Variants in NAV3 observed in about 807,000 individuals in gnomAD.
NAV3 encodes the protein pore membrane and/or filament interacting like protein 1.
Under a neutral mutation model 244.7 loss-of-function variants are expected in NAV3, and 87 were observed. The ratio of observed to expected loss-of-function variants is 0.36; its 90% CI spans 0.30 to 0.42. NAV3 has a LOEUF of 0.42. NAV3 is among the 20% of genes least tolerant of loss of function. The pLI is 1.00. For synonymous variants in NAV3, 1,126 were observed against 1,042.2 expected, an observed-to-expected ratio of 1.08 and a Z score of -1.55; for missense variants, 2,663 against 2,893.3, an observed-to-expected ratio of 0.92 and a Z score of 1.83.
At chr12:77,575,763 T>C (rs1481137987) in intron 2 of NAV3, among the ~76,000 whole-genome samples, 1 of 152,150 alleles carries the variant, frequency 6.6e-6, no homozygotes, top group African/African-American at 2.4e-5. Flanking sequence ...GAACACTGTT[T>C]TATTGCTCCA....
chr12:77,868,904 T>C (rs1854423336), intron 1 of NAV3, among the ~76,000 whole-genome samples: 1 of 151,908 alleles, frequency 6.6e-6, no homozygotes, highest in Non-Finnish European at 1.5e-5. Context: ...ACCCCGTCTC[T>C]ACTAAAAATA....
rs1487706578 is a variant in NAV3 at position 77,759,863 on chromosome 12, C to G, written c.73-180456C>G. Among the ~76,000 whole-genome samples, 3 of 152,030 alleles carry G rather than the reference C, an allele frequency of 2.0e-5. No individual in the cohort carries two copies. In the East Asian group the frequency reaches 5.8e-4, roughly 29 times the overall value. On this transcript the variant is annotated intron_variant, in intron 2 of 8. Transcript: ENST00000550042. ...TTGACCTGCCCCTTATTGCTGTTTT[C>G]TGGATTCTGAAGATCTGTATCATAA...
intron 12 of NAV3, among the ~76,000 whole-genome samples, chr12:78,078,948 T>C (rs1007328776): frequency 6.6e-6 from 1 of 152,236 alleles, no homozygotes; most frequent in African/African-American, 2.4e-5. Flanking sequence ...TTGATCATAT[T>C]TCTAACAAAT....
chr12:78,151,907 T>C (rs1347751833), intron 22 of NAV3, among the ~76,000 whole-genome samples: 1 of 151,324 alleles, frequency 6.6e-6, no homozygotes, highest in African/African-American at 2.4e-5. Flanking sequence ...AATAATATTT[T>C]AAGTATCAGA....
intron 2 of NAV3, among the ~76,000 whole-genome samples, chr12:77,660,058 A>T (rs1039504271): frequency 1.3e-5 from 2 of 152,120 alleles, no homozygotes; most frequent in Non-Finnish European, 2.9e-5. Flanking sequence ...ATGTATACAT[A>T]TGTAACTAAC....
chr12:77,634,945 G>A (rs1375269035), intron 2 of NAV3, among the ~76,000 whole-genome samples: 1 of 152,062 alleles, frequency 6.6e-6, no homozygotes, highest in African/African-American at 2.4e-5. Context: ...ATAGGGTCTT[G>A]TGGCTGGGCC....
At chr12:77,884,650 T>A (rs564321403) in intron 1 of NAV3, among the ~76,000 whole-genome samples, 1 of 152,258 alleles carries the variant, frequency 6.6e-6, no homozygotes, top group Admixed American at 6.5e-5. Flanking sequence ...GCTGTTGGGA[T>A]GATGTCCACT....
chr12:77,973,701 T>C (rs1893202922), intron 5 of NAV3, among the ~76,000 whole-genome samples: 1 of 152,082 alleles, frequency 6.6e-6, no homozygotes, highest in South Asian at 2.1e-4. Flanking sequence ...ACTGGGACAG[T>C]TTACAGCTTT....
intron 1 of NAV3, among the ~76,000 whole-genome samples, chr12:77,888,599 C>T (rs895507262): frequency 4.1e-4 from 62 of 152,186 alleles, no homozygotes; most frequent in African/African-American, 1.4e-3. Flanking sequence ...AAGTTAATAG[C>T]CTCATTAAGT....
At chr12:77,931,008 C>A (rs1292588507) in intron 1 of NAV3, among the ~76,000 whole-genome samples, 2 of 151,898 alleles carry the variant, frequency 1.3e-5, no homozygotes, top group Admixed American at 1.3e-4. Context: ...TCTTTTTATC[C>A]CTGATATTGT....
At chr12:77,763,753 G>T (rs1869606953) in intron 2 of NAV3, among the ~76,000 whole-genome samples, 1 of 152,200 alleles carries the variant, frequency 6.6e-6, no homozygotes, top group Admixed American at 6.5e-5. Context: ...TGAGATAAGT[G>T]TGTCATTAAG....
At chr12:77,755,511 GCCTTTCCTTTCCTTTCCTTT>G (rs747905151) in intron 2 of NAV3, among the ~76,000 whole-genome samples, 1 of 17,678 alleles carries the variant, frequency 5.7e-5, no homozygotes, top group African/African-American at 3.6e-4. Flanking sequence ...CCCTCCCTGT[GCCTTTCCTTTCCTTTCCTTT>G]CCTTTCCTTT....
At position 77,863,278 on chromosome 12, in the gene NAV3, A is replaced by G. The variant is rs192652011; in HGVS notation, c.243+31574A>G. Among the ~76,000 whole-genome samples, 468 of 151,972 alleles carry G rather than the reference A, an allele frequency of 3.1e-3. 3 individuals carry two copies. Among genetic ancestry groups the G allele is most frequent in the African/African-American group, 0.011 (438 of 41,514 alleles). ...AAAAGGTTAATTTTTAACTTATCTC[A>G]AGATTGTTACAATAAACCGTCTATA... On this transcript the variant is annotated intron_variant, in intron 1 of 39. Transcript: ENST00000397909.
At chr12:77,932,894 A>G (rs375101227) in intron 1 of NAV3, among the ~76,000 whole-genome samples, 3 of 152,126 alleles carry the variant, frequency 2.0e-5, no homozygotes, top group African/African-American at 7.2e-5. Flanking sequence ...CTCTGAAATC[A>G]TGAGGCTATT....
chr12:77,942,373 G>GA (rs1462678166), intron 3 of NAV3, among the ~76,000 whole-genome samples: 4 of 149,938 alleles, frequency 2.7e-5, no homozygotes, highest in Non-Finnish European at 5.9e-5. Context: ...ACTCTGTCTC[G>GA]AAAAAATAAA....
intron 1 of NAV3, among the ~76,000 whole-genome samples, chr12:77,849,062 A>C (rs541709969): frequency 3.3e-5 from 5 of 152,138 alleles, no homozygotes; most frequent in African/African-American, 1.2e-4. Flanking sequence ...TTGGCAAACT[A>C]ATCTTCCTGA....
At chr12:78,189,679 G>A (rs300511) in intron 33 of NAV3, among the ~76,000 whole-genome samples, 20,537 of 151,542 alleles carry the variant, frequency 0.14, 1,824 homozygotes, top group Non-Finnish European at 0.2. Context: ...AAGATGTTAT[G>A]ATAGCATTTA....
chr12:77,574,353 C>G (rs1400290083), intron 2 of NAV3, among the ~76,000 whole-genome samples: 1 of 152,158 alleles, frequency 6.6e-6, no homozygotes, highest in Non-Finnish European at 1.5e-5. Context: ...AGCAGGAACA[C>G]CTAGTCTCAA....
At chr12:78,122,534 C>G in intron 16 of NAV3, 106 bp downstream of exon 16, 1 of 1,354,930 alleles carries the variant, frequency 7.4e-7, no homozygotes, top group East Asian at 2.4e-5. Context: ...TGCCCCGGTG[C>G]AAAAAGATGT....
Sources: allele counts gnomAD v4.1 joint callset (sites outside exome capture counted in the v4.1 genomes callset), GRCh38; gene constraint gnomAD v4.1.1; transcripts MANE v1.5; gene names NCBI Gene and HGNC (gene_info 2026-07-23, HGNC 2026-07-21).